The following ROBO2 variants were observed in gnomAD, a reference collection of about 807,000 sequenced individuals.
The protein encoded by ROBO2 is roundabout guidance receptor 2.
A neutral mutation model predicts 160.8 loss-of-function variants in ROBO2; 53 were observed. The observed-to-expected ratio is 0.33, with a 90% confidence interval of 0.26 to 0.41. The LOEUF is 0.41. ROBO2 is among the 10% of genes least tolerant of loss of function. ROBO2 has a pLI of 1.00. For synonymous variants in ROBO2, 664 were observed against 611.7 expected, an observed-to-expected ratio of 1.09 and a Z score of -1.26; for missense variants, 1,577 against 1,722.4, an observed-to-expected ratio of 0.92 and a Z score of 1.49.
At chr3:77,259,822 A>C (rs992569823) in intron 2 of ROBO2, among the ~76,000 whole-genome samples, 30 of 152,364 alleles carry the variant, frequency 2.0e-4, no homozygotes, top group African/African-American at 7.0e-4. Flanking sequence ...TTCCAACCTC[A>C]GAACCAATAT....
chr3:77,573,567 C>A (rs547634682), intron 13 of ROBO2, among the ~76,000 whole-genome samples: 1 of 152,066 alleles, frequency 6.6e-6, no homozygotes, highest in South Asian at 2.1e-4. Context: ...AAAAGTTTTT[C>A]ATTTAATATT....
intron 2 of ROBO2, among the ~76,000 whole-genome samples, chr3:77,196,524 A>C (rs2150981193): frequency 6.6e-6 from 1 of 151,802 alleles, no homozygotes; most frequent in African/African-American, 2.4e-5. Context: ...CATTTGCAGA[A>C]CTCAACAAAT....
At chr3:77,167,322 G>T (rs1442492159) in intron 2 of ROBO2, among the ~76,000 whole-genome samples, 1 of 151,990 alleles carries the variant, frequency 6.6e-6, no homozygotes, top group Non-Finnish European at 1.5e-5. Flanking sequence ...CTTATGAATG[G>T]TTACCAAAGA....
At chr3:77,405,609 A>G (rs1249368333) in intron 2 of ROBO2, among the ~76,000 whole-genome samples, 1 of 151,776 alleles carries the variant, frequency 6.6e-6, no homozygotes, top group Non-Finnish European at 1.5e-5. Flanking sequence ...TATTAGCTAT[A>G]AATATAATTA....
chr3:75,912,917 A>G (rs1030078340), intron 1 of ROBO2, among the ~76,000 whole-genome samples: 1 of 152,166 alleles, frequency 6.6e-6, no homozygotes, highest in African/African-American at 2.4e-5. Flanking sequence ...GTAGTGGTGT[A>G]TTAGTTGTAT....
chr3:76,062,474 A>G (rs980666677), intron 2 of ROBO2, among the ~76,000 whole-genome samples: 8 of 152,174 alleles, frequency 5.3e-5, no homozygotes, highest in Non-Finnish European at 1.2e-4. Flanking sequence ...TGTCAGTCAT[A>G]AAATGAGAAA....
intron 2 of ROBO2, among the ~76,000 whole-genome samples, chr3:76,212,783 A>G (rs561213246): frequency 6.6e-6 from 1 of 152,072 alleles, no homozygotes; most frequent in East Asian, 1.9e-4. Context: ...ATATCCCAGC[A>G]TTCCTTAATG....
chr3:76,867,593 A>T (rs2071512642), intron 2 of ROBO2, among the ~76,000 whole-genome samples: 1 of 152,224 alleles, frequency 6.6e-6, no homozygotes, highest in South Asian at 2.1e-4. Flanking sequence ...GGACTTGCCC[A>T]GATTCTTTTA....
At chr3:76,796,969 G>T (rs1317449521) in intron 2 of ROBO2, among the ~76,000 whole-genome samples, 1 of 152,134 alleles carries the variant, frequency 6.6e-6, no homozygotes, top group Non-Finnish European at 1.5e-5. Context: ...CAGAGCTAAA[G>T]AGAGAGACAG....
chr3:76,992,675 CTGT>C (rs1248188902), intron 2 of ROBO2, among the ~76,000 whole-genome samples: 2 of 151,818 alleles, frequency 1.3e-5, no homozygotes, highest in Non-Finnish European at 2.9e-5. Flanking sequence ...CCTGATGTCC[CTGT>C]TGCTGAACAG....
chr3:76,175,879 C>A (rs991150035), intron 2 of ROBO2, among the ~76,000 whole-genome samples: 1 of 152,122 alleles, frequency 6.6e-6, no homozygotes, highest in African/African-American at 2.4e-5. Context: ...AAGAGAAGTT[C>A]TCTCATCCTA....
intron 2 of ROBO2, among the ~76,000 whole-genome samples, chr3:76,899,937 G>A (rs564462185): frequency 3.9e-5 from 6 of 152,246 alleles, no homozygotes; most frequent in African/African-American, 1.2e-4. Context: ...ATAACCCTCT[G>A]TATTAGTCTG....
At chr3:76,113,531 T>C (rs1171862442) in intron 2 of ROBO2, among the ~76,000 whole-genome samples, 1 of 152,114 alleles carries the variant, frequency 6.6e-6, no homozygotes, top group East Asian at 1.9e-4. Flanking sequence ...TGCAAAATTA[T>C]GTCATACAAT....
At chr3:77,048,191 T>C (rs909105611) in intron 1 of ROBO2, among the ~76,000 whole-genome samples, 2 of 152,230 alleles carry the variant, frequency 1.3e-5, no homozygotes, top group East Asian at 3.9e-4. Context: ...AAGAGGACTT[T>C]GCTATCAGAC....
chr3:76,975,024 G>A lies in ROBO2; in HGVS notation c.110-122990G>A, dbSNP rs147606538. Reference sequence around the variant, plus strand: ...GATATAACAAGAAGATACTAGGAATGCAGACATGCTTTAATATGAATTTGT... The same window carrying A: ...GATATAACAAGAAGATACTAGGAATACAGACATGCTTTAATATGAATTTGT... On this transcript the variant is annotated intron_variant, in intron 2 of 26. Coordinates refer to the ROBO2 transcript ENST00000487694. 3.9e-5 allele frequency among the ~76,000 whole-genome samples: 6 copies of A among 152,186 alleles called. No individual in the cohort carries two copies. In the East Asian group the frequency reaches 9.7e-4, roughly 25 times the overall value.
intron 2 of ROBO2, among the ~76,000 whole-genome samples, chr3:76,039,196 CTTT>C (rs2067207659): frequency 6.6e-6 from 1 of 151,842 alleles, no homozygotes; most frequent in East Asian, 1.9e-4. Flanking sequence ...CCTGTCTTGG[CTTT>C]TGTTTGTTTC....
exon 26 of ROBO2, chr3:77,646,055 G>A: frequency 6.3e-7 from 1 of 1,592,902 alleles, no homozygotes; most frequent in South Asian, 1.1e-5. Flanking sequence ...TTTCTTTAGA[G>A]TAAATGAGAG....
intron 2 of ROBO2, among the ~76,000 whole-genome samples, chr3:76,666,508 GGT>G: frequency 6.6e-6 from 1 of 152,072 alleles, no homozygotes; most frequent in Middle Eastern, 3.4e-3. Context: ...GCAGAACTAT[GGT>G]GTTTTTAAAA....
intron 2 of ROBO2, among the ~76,000 whole-genome samples, chr3:77,150,230 C>T (rs998971996): frequency 3.3e-5 from 5 of 151,986 alleles, no homozygotes; most frequent in South Asian, 2.1e-4. Flanking sequence ...TTAACCAGGC[C>T]GAGTGGAGAT....
Sources: gnomAD v4.1 joint callset for allele counts (sites outside exome capture counted in the v4.1 genomes callset) on GRCh38, gnomAD v4.1.1 for gene constraint, MANE v1.5 for transcripts, NCBI Gene and HGNC (gene_info 2026-07-23, HGNC 2026-07-21) for gene names.